Variants in CACNA1A observed in about 807,000 individuals in gnomAD.
CACNA1A encodes the protein voltage-dependent P/Q-type calcium channel subunit alpha-1A.
In CACNA1A, 57 loss-of-function variants were observed where a neutral mutation model predicts 262.4. That is an observed-to-expected ratio of 0.22 (90% CI 0.18 to 0.27). The LOEUF (loss-of-function observed/expected upper bound fraction) is 0.27, where lower values mean the gene tolerates loss of function less well. Among genes scored for constraint, CACNA1A ranks in the 10% least tolerant of loss-of-function variants. The pLI is 1.00. For synonymous variants in CACNA1A, 1,431 were observed against 1,419.3 expected (o/e 1.01, Z -0.18); for missense variants, 2,526 against 3,562.8 (o/e 0.71, Z 7.41).
At chr19:13,287,106 C>G in intron 19 of CACNA1A, 140 bp from the exon 20 acceptor site, 1 of 693,762 alleles carries the variant, frequency 1.4e-6, no homozygotes, top group Non-Finnish European at 2.4e-6. Flanking sequence ...AATCCCAGCA[C>G]TTTGGGAAGC....
intron 19 of CACNA1A, among the ~76,000 whole-genome samples, chr19:13,297,442 G>C (rs1205044443): frequency 2.0e-5 from 3 of 152,178 alleles, no homozygotes; most frequent in Admixed American, 6.5e-5. Flanking sequence ...GGGAGACTGA[G>C]GTGGGATGAT....
intron 12 of CACNA1A, among the ~76,000 whole-genome samples, chr19:13,311,339 C>T (rs759406715): frequency 3.9e-5 from 6 of 152,198 alleles, no homozygotes; most frequent in Admixed American, 1.3e-4. Flanking sequence ...AATTCTGCTG[C>T]CTCAGCCTCC....
intron 3 of CACNA1A, among the ~76,000 whole-genome samples, chr19:13,393,496 CTTCCTTCCT>C (rs1249092646): frequency 1.2e-4 from 14 of 117,032 alleles, no homozygotes; most frequent in Admixed American, 3.4e-4. Context: ...TTTTTTTTTC[CTTCCTTCCT>C]TTCCTTCCTT....
chr19:13,307,768 G>T lies in CACNA1A; in HGVS notation c.1986+14C>A. On this transcript the variant is annotated intron_variant, in intron 15 of 46. Coordinates refer to ENST00000360228, the MANE Select transcript of CACNA1A (RefSeq NM_001127222.2). ...TGAGAGGTGTTGGCCCGTGGGGCCA[G>T]GTGGAGGCTGTACCTGAAACACCGT... 1 of 1,613,042 alleles carries T rather than the reference G, an allele frequency of 6.2e-7. No individual in the cohort carries two copies.
chr19:13,421,205 A>T (rs1038030260), intron 3 of CACNA1A, among the ~76,000 whole-genome samples: 1 of 152,190 alleles, frequency 6.6e-6, no homozygotes, highest in Non-Finnish European at 1.5e-5. Context: ...TTCCCTGCCA[A>T]CCTGCATGGC....
rs910069523 is a variant in CACNA1A at position 13,271,109 on chromosome 19, C to T, written c.3989+4741G>A. 5.8e-5 allele frequency among the ~76,000 whole-genome samples: 6 copies of T among 103,244 alleles called. No homozygotes were observed. In the South Asian group the frequency reaches 1.2e-3, roughly 20 times the overall value. The allele number at this position is 103,244 out of a possible 152,430, so 67.7% of individuals were successfully genotyped here. On this transcript the variant is annotated intron_variant, in intron 24 of 46. Transcript: ENST00000360228. ...GACTCTGCAAACAGGCTGCCAAATT[C>T]CTGTGAGTTGTAGGCCAATTTGAAT...
chr19:13,359,846 C>A (rs1302287038), intron 5 of CACNA1A, 47 bp from the exon 6 acceptor site: 3 of 1,367,676 alleles, frequency 2.2e-6, no homozygotes, highest in African/African-American at 1.5e-5. Flanking sequence ...GCAGGGAAAA[C>A]CAGCTCTGAG....
At chr19:13,489,003 CTTTTT>C (rs896790084) in intron 1 of CACNA1A, among the ~76,000 whole-genome samples, 162 of 75,208 alleles carry the variant, frequency 2.2e-3, no homozygotes, top group African/African-American at 0.011. Flanking sequence ...CTTTTCTTTT[CTTTTT>C]TTTTTTTTTT....
intron 23 of CACNA1A, among the ~76,000 whole-genome samples, chr19:13,276,752 CA>C (rs2057159958): frequency 1.4e-5 from 2 of 141,834 alleles, no homozygotes; most frequent in South Asian, 4.4e-4. Flanking sequence ...GGCTGGAATG[CA>C]GTGGCAAGAT....
intron 44 of CACNA1A, among the ~76,000 whole-genome samples, chr19:13,210,244 C>T (rs1031519677): frequency 1.3e-5 from 2 of 152,180 alleles, no homozygotes; most frequent in Non-Finnish European, 2.9e-5. Context: ...CCCAGCTGAG[C>T]GCTGGTGGCC....
Position 13,308,573 on chromosome 19 carries a change from C to A in CACNA1A, c.1669-45G>T. The A allele has an allele frequency of 1.6e-6, 2 of 1,284,070 alleles. No individual in the cohort carries two copies. The highest frequency in any genetic ancestry group is 2.2e-6 in the Non-Finnish European group (2 of 909,276). 79.5% of individuals were successfully genotyped at this position (1,284,070 alleles called of 1,614,324 possible). On this transcript the variant is annotated intron_variant, in intron 12 of 46. Transcript: ENST00000360228. The surrounding 1 kb of genome is among the most constrained non-coding windows in gnomAD (Gnocchi z 4.2). ...CTCATGTCCAGGGACAGTGTCTGGG[C>A]TCCAGAACTGGCAAGCATTTCCTAG...
At chr19:13,359,381 G>A (rs1355574968) in intron 6 of CACNA1A, among the ~76,000 whole-genome samples, 1 of 152,184 alleles carries the variant, frequency 6.6e-6, no homozygotes, top group Non-Finnish European at 1.5e-5. Context: ...TGTTGCATCT[G>A]GGGGCCCTCC....
In CACNA1A at chr19:13,452,887, C is replaced by A. The variant is rs760881847; in HGVS notation, c.528G>T (p.Val176=). The change falls in exon 3 of 47, where the codon GTG becomes GTT. Residue 176 remains valine, a synonymous_variant. Transcript: ENST00000360228. ...RNGWNVMDFV[V]VLTGILATVG... is the part of the protein sequence containing the mutation. ...CACGCGCCACTTACCCCGTTAGCAC[C>A]ACCACAAAGTCCATGACATTCCAGC... The A allele has an allele frequency of 1.2e-6, 2 of 1,613,764 alleles. No individual in the cohort carries two copies. The highest frequency in any genetic ancestry group is 2.2e-5 in the South Asian group (2 of 91,044).
chr19:13,466,877 ATTATTTAT>A (rs59575263), intron 1 of CACNA1A, among the ~76,000 whole-genome samples: 38 of 142,524 alleles, frequency 2.7e-4, no homozygotes, highest in South Asian at 4.5e-4. Flanking sequence ...TTAAATTTCC[ATTATTTAT>A]TTATTTATTT....
chr19:13,240,045 G>A (rs573911693), intron 31 of CACNA1A, among the ~76,000 whole-genome samples: 40 of 152,060 alleles, frequency 2.6e-4, no homozygotes, highest in African/African-American at 8.7e-4. Flanking sequence ...CAGGTACTCA[G>A]GAGGCTGAGG....
chr19:13,234,879 A>C, intron 34 of CACNA1A, 42 bp downstream of exon 34: 1 of 1,368,586 alleles, frequency 7.3e-7, no homozygotes. Flanking sequence ...CAGGCACCCC[A>C]CCCCACGGAA....
intron 1 of CACNA1A, among the ~76,000 whole-genome samples, chr19:13,495,714 C>T (rs1313194908): frequency 6.6e-6 from 1 of 152,042 alleles, no homozygotes; most frequent in East Asian, 1.9e-4. Flanking sequence ...AGACAGCTAC[C>T]CTACCATACA....
At chr19:13,364,231 G>C (rs2059165705) in intron 5 of CACNA1A, 1 of 148,700 alleles carries the variant, frequency 6.7e-6, no homozygotes, top group Non-Finnish European at 1.5e-5. Context: ...TGGGGGTTGG[G>C]GGAGACCAGG....
At position 13,315,030 on chromosome 19, in the gene CACNA1A, TTACTTATCCTTA is replaced by T. The variant is rs1161321539; in HGVS notation, c.1555+2070_1555+2081del. Among the ~76,000 whole-genome samples, 43 of 152,240 alleles carry T rather than the reference TTACTTATCCTTA, an allele frequency of 2.8e-4. No individual in the cohort carries two copies. The East Asian group carries it at 7.9e-3, about 28-fold the overall frequency. On this transcript the variant is annotated intron_variant, in intron 11 of 46. Transcript: ENST00000360228. ...AGGTGATGCACAAGACTTGAAAGAA[TTACTTATCCTTA>T]GCATTGTTGCATCTGGAAGAACTTT...
Sources: allele counts gnomAD v4.1 joint callset (sites outside exome capture counted in the v4.1 genomes callset), GRCh38; gene constraint gnomAD v4.1.1; non-coding constraint Gnocchi (gnomAD v3.1); transcripts MANE v1.5; gene names NCBI Gene and HGNC (gene_info 2026-07-23, HGNC 2026-07-21).